The following AFTPH variants were observed in gnomAD, a reference collection of about 807,000 sequenced individuals.
The protein encoded by AFTPH is aftiphilin protein.
Under a neutral mutation model 72.5 loss-of-function variants are expected in AFTPH, and 7 were observed. That is an observed-to-expected ratio of 0.10 (90% CI 0.05 to 0.18). The LOEUF (loss-of-function observed/expected upper bound fraction) is 0.18, where lower values mean the gene tolerates loss of function less well. AFTPH is among the 10% of genes least tolerant of loss of function. The pLI is 1.00. For synonymous variants in AFTPH, 337 were observed against 370.1 expected (o/e 0.91, Z 1.03); for missense variants, 979 against 1,060.5 (o/e 0.92, Z 1.07).
At chr2:64,539,780 G>C (rs1670111922) in intron 1 of AFTPH, among the ~76,000 whole-genome samples, 1 of 152,202 alleles carries the variant, frequency 6.6e-6, no homozygotes, top group Non-Finnish European at 1.5e-5. Flanking sequence ...TGAAAGAGCA[G>C]TTTCGGTAGA....
At chr2:64,543,527 A>C (rs1346076183) in intron 1 of AFTPH, among the ~76,000 whole-genome samples, 1 of 152,212 alleles carries the variant, frequency 6.6e-6, no homozygotes, top group African/African-American at 2.4e-5. Flanking sequence ...TAGGCCCATG[A>C]ACTATCTGGA....
chr2:64,584,698 GCC>G, intron 7 of AFTPH, among the ~76,000 whole-genome samples: 1 of 147,786 alleles, frequency 6.8e-6, no homozygotes, highest in Non-Finnish European at 1.5e-5. Flanking sequence ...CCGGGTTCAT[GCC>G]ATTCTCCTGC....
intron 1 of AFTPH, among the ~76,000 whole-genome samples, chr2:64,525,944 C>T (rs754951167): frequency 5.9e-5 from 9 of 152,320 alleles, no homozygotes; most frequent in Non-Finnish European, 1.0e-4. Context: ...AGCAGATATT[C>T]ATTAGCTCTA....
At chr2:64,565,068 A>G (rs541217006) in intron 2 of AFTPH, among the ~76,000 whole-genome samples, 39 of 152,020 alleles carry the variant, frequency 2.6e-4, no homozygotes, top group African/African-American at 9.2e-4. Context: ...CAAACTCCTG[A>G]GCTCAAGCAA....
At chr2:64,550,677 G>GCACACACACA (rs56139158) in intron 1 of AFTPH, among the ~76,000 whole-genome samples, 1,433 of 130,210 alleles carry the variant, frequency 0.011, 32 homozygotes, top group East Asian at 0.015. Flanking sequence ...CTGTACGCAT[G>GCACACACACA]CACACACACA....
intron 8 of AFTPH, among the ~76,000 whole-genome samples, chr2:64,587,110 G>A (rs998157675): frequency 6.6e-5 from 10 of 152,154 alleles, no homozygotes; most frequent in Admixed American, 1.3e-4. Context: ...CTCCTAATTC[G>A]TTAACTCATC....
At chr2:64,557,174 T>G (rs1671428802) in intron 2 of AFTPH, among the ~76,000 whole-genome samples, 1 of 152,224 alleles carries the variant, frequency 6.6e-6, no homozygotes, top group Admixed American at 6.5e-5. Context: ...ATGCCTTGTT[T>G]GATAGCTACA....
intron 2 of AFTPH, among the ~76,000 whole-genome samples, chr2:64,556,817 G>A (rs1482692232): frequency 6.6e-6 from 1 of 152,186 alleles, no homozygotes; most frequent in East Asian, 1.9e-4. Flanking sequence ...TGATGTAAAA[G>A]CCATATATGA....
At chr2:64,539,038 T>C (rs981332943) in intron 1 of AFTPH, among the ~76,000 whole-genome samples, 75 of 152,008 alleles carry the variant, frequency 4.9e-4, no homozygotes, top group African/African-American at 1.6e-3. Context: ...TTTCTGGGGA[T>C]TTTTTTTCTC....
At chr2:64,570,008 A>G (rs1452539229) in intron 5 of AFTPH, among the ~76,000 whole-genome samples, 1 of 152,224 alleles carries the variant, frequency 6.6e-6, no homozygotes, top group Non-Finnish European at 1.5e-5. Context: ...CAGAAGGCCT[A>G]AAGATATCAT....
At chr2:64,547,416 A>G (rs1464784688) in intron 1 of AFTPH, among the ~76,000 whole-genome samples, 2 of 152,174 alleles carry the variant, frequency 1.3e-5, no homozygotes, top group African/African-American at 2.4e-5. Context: ...TTCTCATTGC[A>G]TCTCATCAGG....
At chr2:64,542,381 T>A (rs1013275508) in intron 1 of AFTPH, among the ~76,000 whole-genome samples, 1 of 152,182 alleles carries the variant, frequency 6.6e-6, no homozygotes, top group African/African-American at 2.4e-5. Context: ...CCACATGTGA[T>A]GAATCTTTTC....
intron 8 of AFTPH, among the ~76,000 whole-genome samples, chr2:64,585,988 A>G (rs1250484480): frequency 1.3e-5 from 2 of 152,038 alleles, no homozygotes; most frequent in Non-Finnish European, 1.5e-5. Flanking sequence ...ATTGACATGC[A>G]CCTCTGATTT....
exon 2 of AFTPH, chr2:64,552,963 A>G: frequency 6.2e-7 from 1 of 1,614,184 alleles, no homozygotes; most frequent in Non-Finnish European, 8.5e-7. Flanking sequence ...AATATTAACA[A>G]AGTCAGACCT....
chr2:64,530,141 G>C (rs761319787), intron 1 of AFTPH, among the ~76,000 whole-genome samples: 2 of 152,128 alleles, frequency 1.3e-5, no homozygotes, highest in Non-Finnish European at 2.9e-5. Flanking sequence ...GGACAACAGA[G>C]TGAGGCTCCG....
chr2:64,581,142 G>C, intron 7 of AFTPH, 48 bp from the exon 8 acceptor site: 1 of 1,445,700 alleles, frequency 6.9e-7, no homozygotes, highest in Admixed American at 2.0e-5. Flanking sequence ...TCCTCCCTTG[G>C]CTTACCTTCT....
chr2:64,583,474 CTT>C (rs1281655336), intron 7 of AFTPH, among the ~76,000 whole-genome samples: 1 of 151,580 alleles, frequency 6.6e-6, no homozygotes, highest in Non-Finnish European at 1.5e-5. Flanking sequence ...TAATCTGCCT[CTT>C]TACTGTTTGA....
intron 7 of AFTPH, among the ~76,000 whole-genome samples, chr2:64,581,986 C>A (rs1374626491): frequency 6.6e-6 from 1 of 152,168 alleles, no homozygotes; most frequent in Non-Finnish European, 1.5e-5. Flanking sequence ...AGTTCATTGA[C>A]CAAAGGACTA....
chr2:64,543,491 A>T (rs1317078336), intron 1 of AFTPH, among the ~76,000 whole-genome samples: 1 of 152,192 alleles, frequency 6.6e-6, no homozygotes, highest in East Asian at 1.9e-4. Context: ...ATCTTCTGGA[A>T]GGCTGATTGC....
Sources: allele counts gnomAD v4.1 joint callset (sites outside exome capture counted in the v4.1 genomes callset), GRCh38; gene constraint gnomAD v4.1.1; transcripts MANE v1.5; gene names NCBI Gene and HGNC (gene_info 2026-07-23, HGNC 2026-07-21).